Variants in UBR1 observed in about 807,000 individuals in gnomAD.
UBR1 encodes E3 ubiquitin-protein ligase UBR1.
In UBR1, 102 loss-of-function variants were observed where a neutral mutation model predicts 242.1. That is an observed-to-expected ratio of 0.42 (90% CI 0.36 to 0.50). The LOEUF (loss-of-function observed/expected upper bound fraction) is 0.50, where lower values mean the gene tolerates loss of function less well. Ranked by LOEUF, UBR1 falls within the 20% of genes least tolerant of loss-of-function variation. The pLI, the probability that UBR1 is intolerant of heterozygous loss-of-function variation, is 0.01. For synonymous variants in UBR1, 675 were observed against 684.8 expected, an observed-to-expected ratio of 0.99 and a Z score of 0.22; for missense variants, 1,772 against 2,101.8, an observed-to-expected ratio of 0.84 and a Z score of 3.07.
intron 6 of UBR1, among the ~76,000 whole-genome samples, chr15:43,062,313 G>C (rs567210280): frequency 6.6e-6 from 1 of 151,968 alleles, no homozygotes; most frequent in East Asian, 1.9e-4. Context: ...GTACAATACT[G>C]TACATATATG....
At chr15:42,999,920 T>C (rs890483265) in intron 32 of UBR1, among the ~76,000 whole-genome samples, 1 of 152,110 alleles carries the variant, frequency 6.6e-6, no homozygotes, top group Non-Finnish European at 1.5e-5. Context: ...AAATATATAA[T>C]GAACTGTGCC....
intron 22 of UBR1, among the ~76,000 whole-genome samples, chr15:43,027,525 C>G (rs1447453394): frequency 6.6e-6 from 1 of 151,984 alleles, no homozygotes. Flanking sequence ...AGTTCATTTA[C>G]TTACTATCTA....
chr15:42,991,881 G>C (rs1412852679), intron 33 of UBR1, among the ~76,000 whole-genome samples: 1 of 152,006 alleles, frequency 6.6e-6, no homozygotes, highest in African/African-American at 2.4e-5. Flanking sequence ...TAGGACTATA[G>C]GCACACACCA....
In UBR1 at chr15:43,037,821, C is replaced by A; in HGVS notation, c.1974G>T (p.Gln658His). The A allele has an allele frequency of 6.2e-7, 1 of 1,614,128 alleles. No homozygotes were observed. Among genetic ancestry groups the A allele is most frequent in the Non-Finnish European group, 8.5e-7 (1 of 1,180,012 alleles). The change falls in exon 17 of 47, where the codon CAG (glutamine) becomes CAT (histidine). Residue 658 changes from glutamine to histidine, a missense_variant. This residue lies in a region of UBR1 where 734 missense variants were observed against 893.3 expected (regional missense o/e 0.82). Transcript: ENST00000290650. ...TTCTTCGCCACATCTCAGCAACAAC[C>A]TGGGCAACCAACACCAGACAACGTA... is the stretch of plus-strand genomic sequence containing the variant. ...YPLRCLVLVA[Q>H]VVAEMWRRNG...
chr15:42,972,342 A>G (rs2032220420), intron 39 of UBR1, among the ~76,000 whole-genome samples: 1 of 151,930 alleles, frequency 6.6e-6, no homozygotes, highest in African/African-American at 2.4e-5. Flanking sequence ...CCATCTTTTC[A>G]TCACTCGGTA....
At chr15:43,078,551 G>A (rs1261134129) in intron 3 of UBR1, among the ~76,000 whole-genome samples, 1 of 152,098 alleles carries the variant, frequency 6.6e-6, no homozygotes, top group East Asian at 1.9e-4. Flanking sequence ...ATGCAAATAA[G>A]AGCCAAAACC....
At position 43,091,443 on chromosome 15, in the gene UBR1, A is replaced by G. The variant is rs116150157; in HGVS notation, c.82-5203T>C. Among the ~76,000 whole-genome samples, 1,399 of 152,336 alleles carry G rather than the reference A, an allele frequency of 9.2e-3. 17 individuals carry two copies. Among genetic ancestry groups the G allele is most frequent in the African/African-American group, 0.032 (1,332 of 41,582 alleles). On this transcript the variant is annotated intron_variant, in intron 1 of 46. Transcript: ENST00000290650. ...TGAAAAAATCCAAATTCCAAAACAC[A>G]AGGGATACTCAACCAGTAATGGTAA...
At chr15:42,998,306 A>G (rs534389029) in intron 32 of UBR1, 41 bp from the exon 33 acceptor site, 19 of 1,550,016 alleles carry the variant, frequency 1.2e-5, no homozygotes, top group East Asian at 2.3e-5. Flanking sequence ...CCATGGGTAC[A>G]AAGTCAAATG....
At chr15:43,085,829 T>C (rs565076029) in intron 2 of UBR1, among the ~76,000 whole-genome samples, 155 bp downstream of exon 2, 2 of 151,684 alleles carry the variant, frequency 1.3e-5, no homozygotes, top group Admixed American at 1.3e-4. Context: ...GGCAGGAGAA[T>C]TGCTTGAACC....
In UBR1 at chr15:43,059,131, G is replaced by A. The variant is rs776123644; in HGVS notation, c.1047C>T (p.Pro349=). The change falls in exon 9 of 47, where the codon CCC becomes CCT. Residue 349 remains proline (P), a synonymous_variant. Transcript: ENST00000290650. ...CLREEPDSEN[P]CLISRLMLWD... ...AAAGCATTAACCTGCTTATGAGACA[G>A]GGATTCTCCGAGTCAGGTTCTTCTC... 12 of 1,614,150 alleles carry A rather than the reference G, an allele frequency of 7.4e-6. No individual in the cohort carries two copies. Among genetic ancestry groups the A allele is most frequent in the Non-Finnish European group, 1.0e-5 (12 of 1,180,018 alleles).
intron 26 of UBR1, among the ~76,000 whole-genome samples, chr15:43,021,723 G>A (rs2033112961): frequency 6.6e-6 from 1 of 152,108 alleles, no homozygotes; most frequent in Non-Finnish European, 1.5e-5. Context: ...GCGATGGGAT[G>A]AATCCCTAGA....
chr15:42,949,338 G>A (rs1440075457), intron 46 of UBR1, among the ~76,000 whole-genome samples: 2 of 150,510 alleles, frequency 1.3e-5, no homozygotes, highest in East Asian at 3.9e-4. Context: ...TAAATGATGA[G>A]TTAATGGGTG....
intron 1 of UBR1, among the ~76,000 whole-genome samples, chr15:43,101,420 ATTAT>A (rs927990551): frequency 3.3e-5 from 5 of 152,196 alleles, no homozygotes; most frequent in Admixed American, 6.5e-5. Flanking sequence ...TGGAGACAGA[ATTAT>A]TTGTCTTCAA....
At chr15:43,022,872 A>AT in intron 25 of UBR1, 71 bp from the exon 26 acceptor site, 5 of 1,016,756 alleles carry the variant, frequency 4.9e-6, no homozygotes, top group East Asian at 2.8e-5. Flanking sequence ...TTTAATTTTA[A>AT]TTTTTTTCAG....
At chr15:42,994,869 T>G (rs1436796203) in intron 33 of UBR1, among the ~76,000 whole-genome samples, 1 of 152,226 alleles carries the variant, frequency 6.6e-6, no homozygotes, top group Non-Finnish European at 1.5e-5. Flanking sequence ...TCCTCACTCT[T>G]GCAATCTATC....
chr15:42,958,435 A>G (rs2031958848), intron 43 of UBR1, among the ~76,000 whole-genome samples: 1 of 152,192 alleles, frequency 6.6e-6, no homozygotes. Flanking sequence ...ACACTTCACA[A>G]GTCTTTGAAC....
chr15:43,067,751 G>A (rs1017520617), intron 6 of UBR1, 147 bp downstream of exon 6: 11 of 713,248 alleles, frequency 1.5e-5, no homozygotes, highest in Non-Finnish European at 2.0e-5. Context: ...ACACAAAACT[G>A]AAGTTCTAAC....
At chr15:43,025,179 AACT>A (rs1287149475) in intron 24 of UBR1, among the ~76,000 whole-genome samples, 196 bp from the exon 25 acceptor site, 3 of 152,234 alleles carry the variant, frequency 2.0e-5, no homozygotes, top group East Asian at 1.9e-4. Context: ...ACCCAAAATG[AACT>A]ACATTTGTTA....
chr15:42,956,381 A>C (rs543749445), intron 44 of UBR1, among the ~76,000 whole-genome samples: 5 of 152,114 alleles, frequency 3.3e-5, no homozygotes, highest in Non-Finnish European at 7.3e-5. Flanking sequence ...GTGCAGTGGC[A>C]CGATCTCGGC....
Sources: gnomAD v4.1 joint callset for allele counts (sites outside exome capture counted in the v4.1 genomes callset) on GRCh38, gnomAD v4.1.1 for gene constraint, gnomAD v4.1.1 regional missense constraint, MANE v1.5 for transcripts, NCBI Gene and HGNC (gene_info 2026-07-23, HGNC 2026-07-21) for gene names.